Variants in TMEM132B observed in about 807,000 individuals in gnomAD.
TMEM132B encodes transmembrane protein 132B.
In TMEM132B, 18 loss-of-function variants were observed where a neutral mutation model predicts 90.8. That is an observed-to-expected ratio of 0.20 (90% CI 0.14 to 0.29). The LOEUF (loss-of-function observed/expected upper bound fraction) is 0.29, where lower values mean the gene tolerates loss of function less well. Ranked by LOEUF, TMEM132B falls within the 10% of genes least tolerant of loss-of-function variation. The pLI, the probability that TMEM132B is intolerant of heterozygous loss-of-function variation, is 1.00. For missense variants in TMEM132B, 1,096 were observed against 1,326.8 expected (o/e 0.83, Z 2.70); for synonymous variants, 504 against 523.3 (o/e 0.96, Z 0.50).
chr12:125,654,454 A>G lies in TMEM132B; in HGVS notation c.2996A>G (p.His999Arg), dbSNP rs759176410. 5 of 1,613,738 alleles carry G rather than the reference A, an allele frequency of 3.1e-6. No individual in the cohort carries two copies. Among genetic ancestry groups the G allele is most frequent in the Non-Finnish European group, 4.2e-6 (5 of 1,180,000 alleles). Residue 999 changes from histidine (H) to arginine (R), a missense_variant, in exon 9 of 9, where the codon CAT (histidine) becomes CGT (arginine). Coordinates refer to ENST00000682704, the MANE Select transcript of TMEM132B (RefSeq NM_001366854.1). This position sits in a 1 kb window ranked among gnomAD's most constrained non-coding sequence, Gnocchi z 5.8. ...LLNGSSQKTF[H>R]SQLLRPSDYV... ...AATGGCAGTTCCCAGAAGACTTTTC[A>G]TAGTCAACTACTCAGACCCTCTGAC...
intron 1 of TMEM132B, among the ~76,000 whole-genome samples, chr12:125,234,273 T>A (rs1033656613): frequency 2.0e-5 from 3 of 152,216 alleles, no homozygotes; most frequent in Non-Finnish European, 4.4e-5. Context: ...ATCACACAAT[T>A]CTTGTTGGTC....
intron 2 of TMEM132B, among the ~76,000 whole-genome samples, chr12:125,367,651 G>A (rs1878173922): frequency 6.6e-6 from 1 of 152,092 alleles, no homozygotes; most frequent in African/African-American, 2.4e-5. Context: ...GGCTAAATGT[G>A]ACAAAAATGG....
intron 4 of TMEM132B, among the ~76,000 whole-genome samples, chr12:125,569,492 G>T (rs1884739441): frequency 1.3e-5 from 2 of 152,090 alleles, no homozygotes; most frequent in Non-Finnish European, 2.9e-5. Flanking sequence ...AAACATTTGT[G>T]CAGCTGAGGA....
At chr12:125,220,748 C>T (rs1409149900) in intron 1 of TMEM132B, among the ~76,000 whole-genome samples, 2 of 152,198 alleles carry the variant, frequency 1.3e-5, no homozygotes, top group African/African-American at 4.8e-5. Flanking sequence ...GTGTCTGTTT[C>T]CCAGATCGTA....
intron 5 of TMEM132B, among the ~76,000 whole-genome samples, chr12:125,612,355 C>T (rs1307492690): frequency 1.3e-5 from 2 of 151,516 alleles, no homozygotes; most frequent in Non-Finnish European, 2.9e-5. Flanking sequence ...CCTAGCTACT[C>T]AGGAGGCTGA....
At chr12:125,208,777 C>T (rs1413847076) in intron 1 of TMEM132B, among the ~76,000 whole-genome samples, 1 of 152,194 alleles carries the variant, frequency 6.6e-6, no homozygotes, top group Non-Finnish European at 1.5e-5. Context: ...CCTTCCACAG[C>T]CCTGTGGTAA....
intron 1 of TMEM132B, among the ~76,000 whole-genome samples, chr12:125,194,269 G>GA (rs765586148): frequency 4.5e-4 from 42 of 93,812 alleles, no homozygotes; most frequent in Non-Finnish European, 8.1e-4. Flanking sequence ...TTAACCCGTT[G>GA]GTGGGGGGGT....
chr12:125,462,942 C>G (rs2136476435), intron 3 of TMEM132B, among the ~76,000 whole-genome samples: 1 of 152,240 alleles, frequency 6.6e-6, no homozygotes, highest in Admixed American at 6.5e-5. Context: ...AGTAGCTAAG[C>G]TTAGGATAGA....
intron 5 of TMEM132B, among the ~76,000 whole-genome samples, chr12:125,640,621 A>G (rs1886604892): frequency 6.6e-6 from 1 of 152,074 alleles, no homozygotes; most frequent in Non-Finnish European, 1.5e-5. Context: ...CCTGGAGAGG[A>G]CAGAGGTGAT....
At chr12:125,452,882 A>G (rs1306379056) in intron 3 of TMEM132B, among the ~76,000 whole-genome samples, 2 of 152,162 alleles carry the variant, frequency 1.3e-5, no homozygotes, top group African/African-American at 2.4e-5. Context: ...AAATTTATGT[A>G]TCAAATATTA....
rs543852583 is a variant in TMEM132B at position 125,428,467 on chromosome 12, CATATT to C, written c.1106+12795_1106+12799del. Among the ~76,000 whole-genome samples the C allele has an allele frequency of 1.1e-3, 166 of 152,078 alleles. 2 individuals are homozygous for C. Among genetic ancestry groups the C allele is most frequent in the African/African-American group, 3.6e-3 (148 of 41,452 alleles). On this transcript the variant is annotated intron_variant, in intron 3 of 8. Transcript: ENST00000682704. ...TGTCACTATTATTATGACATTATAT[CATATT>C]ATATCATTATTATATATGTCATTAT... is the stretch of plus-strand genomic sequence containing the variant.
At chr12:125,638,212 C>A (rs1484882241) in intron 5 of TMEM132B, among the ~76,000 whole-genome samples, 1 of 152,122 alleles carries the variant, frequency 6.6e-6, no homozygotes, top group African/African-American at 2.4e-5. Flanking sequence ...TAACTAGCAG[C>A]CTCTCCTTGG....
At position 125,637,518 on chromosome 12, in the gene TMEM132B, A is replaced by G. The variant is rs1000170003; in HGVS notation, c.1438-6558A>G. 1.5e-4 allele frequency among the ~76,000 whole-genome samples: 23 copies of G among 152,330 alleles called. 1 individual carries two copies. Among genetic ancestry groups the G allele is most frequent in the African/African-American group, 4.3e-4 (18 of 41,578 alleles). Reference sequence around the variant, plus strand: ...TTAGGGAGGCATGAGACATCAATCAATATATGTAAGATGAACATTGGTTCC... The same window carrying G: ...TTAGGGAGGCATGAGACATCAATCAGTATATGTAAGATGAACATTGGTTCC... On this transcript the variant is annotated intron_variant, in intron 5 of 8. Coordinates refer to ENST00000682704, the MANE Select transcript of TMEM132B (RefSeq NM_001366854.1).
At chr12:125,414,874 A>T (rs1293719427) in intron 2 of TMEM132B, among the ~76,000 whole-genome samples, 2 of 152,320 alleles carry the variant, frequency 1.3e-5, no homozygotes, top group East Asian at 3.9e-4. Context: ...GGAGCAGTGT[A>T]CGAAAAGAAA....
chr12:125,578,087 A>G (rs753459904), intron 4 of TMEM132B, among the ~76,000 whole-genome samples: 8 of 152,140 alleles, frequency 5.3e-5, no homozygotes, highest in Non-Finnish European at 8.8e-5. Context: ...GTTGCTGGCT[A>G]CTGTGTTCTA....
rs143861529 is a variant in TMEM132B, at chr12:125,566,794, G to A, written c.1294-17057G>A. Reference sequence around the variant, plus strand: ...AGTCTTTTTTCATTCTCTCTTTCTCGATTCCTCCTCCTTCTCCTCCTTCTT... The same window carrying A: ...AGTCTTTTTTCATTCTCTCTTTCTCAATTCCTCCTCCTTCTCCTCCTTCTT... On this transcript the variant is annotated intron_variant, in intron 4 of 8. Coordinates refer to ENST00000682704, the MANE Select transcript of TMEM132B (RefSeq NM_001366854.1). Among the ~76,000 whole-genome samples the A allele has an allele frequency of 2.0e-4, 29 of 146,634 alleles. No individual in the cohort carries two copies. The East Asian group carries it at 5.8e-3, about 29-fold the overall frequency.
chr12:125,625,049 T>TTTTG (rs1886198355), intron 5 of TMEM132B, among the ~76,000 whole-genome samples: 1 of 152,164 alleles, frequency 6.6e-6, no homozygotes, highest in Non-Finnish European at 1.5e-5. Flanking sequence ...CACTGATTCA[T>TTTTG]TTTGTGTTCT....
chr12:125,613,476 T>G (rs1885913174), intron 5 of TMEM132B, among the ~76,000 whole-genome samples: 1 of 151,582 alleles, frequency 6.6e-6, no homozygotes, highest in South Asian at 2.1e-4. Flanking sequence ...TGAATTTACA[T>G]TTTCTACTTT....
At chr12:125,353,550 C>T (rs1393862926) in intron 2 of TMEM132B, among the ~76,000 whole-genome samples, 1 of 152,176 alleles carries the variant, frequency 6.6e-6, no homozygotes, top group Non-Finnish European at 1.5e-5. Flanking sequence ...GTGGTAAGTC[C>T]ATTACATGAA....
Sources: gnomAD v4.1 joint callset for allele counts (sites outside exome capture counted in the v4.1 genomes callset) on GRCh38, gnomAD v4.1.1 for gene constraint, Gnocchi (gnomAD v3.1) non-coding constraint, MANE v1.5 for transcripts, NCBI Gene and HGNC (gene_info 2026-07-23, HGNC 2026-07-21) for gene names.